AP2A2: variants seen among roughly 807,000 people sequenced by gnomAD.
AP2A2 encodes AP-2 complex subunit alpha-2.
A neutral mutation model predicts 104.2 loss-of-function variants in AP2A2; 32 were observed. The observed-to-expected ratio is 0.31, with a 90% CI of 0.23 to 0.41. The LOEUF (loss-of-function observed/expected upper bound fraction) is 0.41. Among genes scored for constraint, AP2A2 ranks in the 10% least tolerant of loss-of-function variants. The pLI, the probability that AP2A2 is intolerant of heterozygous loss-of-function variation, is 1.00. For synonymous variants in AP2A2, 539 were observed against 533.3 expected (o/e 1.01, Z -0.15); for missense variants, 912 against 1,261.0 (o/e 0.72, Z 4.19).
chr11:989,779 G>A (rs894607829), intron 10 of AP2A2, among the ~76,000 whole-genome samples: 3 of 152,244 alleles, frequency 2.0e-5, no homozygotes, highest in Admixed American at 1.3e-4. Flanking sequence ...CAGGCTCACC[G>A]TGTCTGTGGA....
intron 8 of AP2A2, among the ~76,000 whole-genome samples, chr11:985,936 C>T (rs150444069): frequency 9.8e-5 from 15 of 152,330 alleles, no homozygotes; most frequent in Non-Finnish European, 1.6e-4. Flanking sequence ...GATGTGGAGC[C>T]GCACTTGGTG....
intron 1 of AP2A2, among the ~76,000 whole-genome samples, chr11:930,479 T>A (rs1853253724): frequency 6.6e-6 from 1 of 152,098 alleles, no homozygotes. Flanking sequence ...TTTTTTAAAT[T>A]GGCATTAAAA....
At chr11:977,377 TGG>T (rs1855082199) in intron 5 of AP2A2, among the ~76,000 whole-genome samples, 153 bp downstream of exon 5, 1 of 151,886 alleles carries the variant, frequency 6.6e-6, no homozygotes, top group African/African-American at 2.4e-5. Flanking sequence ...GGGCCCTTCC[TGG>T]GGCTGGATGA....
chr11:977,049 G>A (rs376831929), intron 4 of AP2A2, 46 bp from the exon 5 acceptor site: 44 of 1,610,410 alleles, frequency 2.7e-5, no homozygotes, highest in Admixed American at 1.7e-4. Flanking sequence ...GCAGCTCTGC[G>A]CTGTCTTCAG....
chr11:982,868 C>T (rs1174671559), intron 6 of AP2A2, among the ~76,000 whole-genome samples: 1 of 151,840 alleles, frequency 6.6e-6, no homozygotes, highest in East Asian at 1.9e-4. Flanking sequence ...TCAGGCTGGT[C>T]TCGAACTCCT....
Position 993,995 on chromosome 11 carries a change from C to G in AP2A2, c.1782+10C>G. The G allele has an allele frequency of 6.2e-7, 1 of 1,609,390 alleles. No individual in the cohort carries two copies. The highest frequency in any genetic ancestry group is 8.5e-7 in the Non-Finnish European group (1 of 1,177,438). On this transcript the variant is annotated intron_variant, in intron 13 of 21. Coordinates refer to ENST00000448903, the MANE Select transcript of AP2A2 (RefSeq NM_012305.4). This position sits in a 1 kb window ranked among gnomAD's most constrained non-coding sequence, Gnocchi z 8.2. ...CAGCACCGACATTCTGGTAGGAGGC[C>G]CCCGCCCTTCGGGCTGGCTTGGCTG... is the stretch of plus-strand genomic sequence containing the variant.
chr11:952,063 C>A (rs1211324264), intron 1 of AP2A2, among the ~76,000 whole-genome samples: 2 of 152,144 alleles, frequency 1.3e-5, no homozygotes, highest in Non-Finnish European at 2.9e-5. Context: ...GAGACCAGGT[C>A]TCCCTATGTT....
intron 18 of AP2A2, 22 bp from the exon 19 acceptor site, chr11:1,009,078 C>G: frequency 6.9e-7 from 1 of 1,457,550 alleles, no homozygotes; most frequent in Non-Finnish European, 9.5e-7. Context: ...CTGTCTCTTT[C>G]TGCTGCTGCT....
intron 1 of AP2A2, among the ~76,000 whole-genome samples, chr11:948,221 T>C (rs147652807): frequency 1.5e-4 from 23 of 152,250 alleles, no homozygotes; most frequent in Middle Eastern, 6.8e-3. Context: ...TGAGACTGAC[T>C]GAGATAAAAA....
chr11:983,698 C>T (rs752223108), intron 6 of AP2A2, among the ~76,000 whole-genome samples: 30 of 152,180 alleles, frequency 2.0e-4, no homozygotes, highest in Non-Finnish European at 3.1e-4. Flanking sequence ...TCTTTTTAAA[C>T]GCTTGAGATG....
chr11:979,197 A>G (rs1372215246), intron 5 of AP2A2, among the ~76,000 whole-genome samples: 1 of 150,394 alleles, frequency 6.6e-6, no homozygotes, highest in Non-Finnish European at 1.5e-5. Flanking sequence ...TGAGAGGCTG[A>G]GCTCCGCGCC....
rs539227126 is a variant in AP2A2 at position 937,573 on chromosome 11, G to C, written c.67+11485G>C. 2.0e-3 allele frequency among the ~76,000 whole-genome samples: 299 copies of C among 152,296 alleles called. 2 individuals carry two copies. Among genetic ancestry groups the C allele is most frequent in the African/African-American group, 6.2e-3 (258 of 41,568 alleles). On this transcript the variant is annotated intron_variant, in intron 1 of 21. Transcript: ENST00000448903. Reference sequence around the variant, plus strand: ...CAGCGAGCCACGTTTGCGCCATTGCGCAGCCTGGGCGACAGGATGAGACCC... The same window carrying C: ...CAGCGAGCCACGTTTGCGCCATTGCCCAGCCTGGGCGACAGGATGAGACCC...
intron 1 of AP2A2, among the ~76,000 whole-genome samples, chr11:930,582 G>A (rs1212418911): frequency 6.6e-6 from 1 of 151,632 alleles, no homozygotes. Context: ...GTGCAGTGGC[G>A]CGATCTCGGC....
At position 1,003,708 on chromosome 11, in the gene AP2A2, C is replaced by T. The variant is rs769958843; in HGVS notation, c.2124-14C>T. ...TGGCTTTGAGTGACACATATACTGT[C>T]CCTTTTCCCCTAGGTTTGTTTGTAA... On this transcript the variant is annotated splice_polypyrimidine_tract_variant and intron_variant, in intron 15 of 21. Coordinates refer to ENST00000448903, the MANE Select transcript of AP2A2 (RefSeq NM_012305.4). 3 of 1,583,918 alleles carry T rather than the reference C, an allele frequency of 1.9e-6. No individual in the cohort carries two copies. The South Asian group carries it at 3.5e-5, about 18-fold the overall frequency.
At chr11:964,802 G>C (rs578028190) in intron 2 of AP2A2, among the ~76,000 whole-genome samples, 1 of 135,856 alleles carries the variant, frequency 7.4e-6, no homozygotes, top group Non-Finnish European at 1.7e-5. Flanking sequence ...AGATGGAAGC[G>C]TGGAAATGGA....
At chr11:1,008,385 T>G (rs1316851268) in intron 18 of AP2A2, 2 of 486,178 alleles carry the variant, frequency 4.1e-6, no homozygotes, top group Non-Finnish European at 7.0e-6. Context: ...AGGATCTTTC[T>G]GGGCACCATG....
At chr11:941,025 C>G (rs1394170391) in intron 1 of AP2A2, 1 of 404,384 alleles carries the variant, frequency 2.5e-6, no homozygotes, top group African/African-American at 2.1e-5. Context: ...GAGCTCGGAG[C>G]TTTTGTGTTC....
Position 1,008,124 on chromosome 11 carries a change from C to A in AP2A2, c.2409C>A (p.Asn803Lys). Residue 803 changes from asparagine (N) to lysine (K), a missense_variant, in exon 18 of 22, where the codon AAC becomes AAA. Physicochemically the swap from Asn to Lys is moderately conservative, Grantham distance 94 (BLOSUM62 0). Coordinates refer to ENST00000448903, the MANE Select transcript of AP2A2 (RefSeq NM_012305.4). ...VSDFTEAPVL[N>K]IQFRYGGTFQ... ...ACTTCACGGAGGCGCCAGTCCTCAA[C>A]ATTCAGTTCAGGTAAGAGCCGCCTG... The A allele has an allele frequency of 6.2e-7, 1 of 1,607,092 alleles. No homozygotes were observed. Among genetic ancestry groups the A allele is most frequent in the Non-Finnish European group, 8.5e-7 (1 of 1,177,364 alleles).
intron 1 of AP2A2, among the ~76,000 whole-genome samples, chr11:950,119 T>TG (rs1199870079): frequency 2.0e-5 from 3 of 152,006 alleles, no homozygotes; most frequent in Non-Finnish European, 4.4e-5. Flanking sequence ...AATTCAATGG[T>TG]GGGGGAAAAG....
Sources: gnomAD v4.1 joint callset for allele counts (sites outside exome capture counted in the v4.1 genomes callset) on GRCh38, gnomAD v4.1.1 for gene constraint, Gnocchi (gnomAD v3.1) non-coding constraint, MANE v1.5 for transcripts, NCBI Gene and HGNC (gene_info 2026-07-23, HGNC 2026-07-21) for gene names.